The following RFTN1 variants were observed in gnomAD, a reference collection of about 807,000 sequenced individuals.
RFTN1 encodes the protein raftlin.
Under a neutral mutation model 46.5 loss-of-function variants are expected in RFTN1, and 26 were observed. That is an observed-to-expected ratio of 0.56 (90% CI 0.41 to 0.78). The LOEUF is 0.78. RFTN1 is among the 30% of genes least tolerant of loss of function. RFTN1 has a pLI of 0.00. For missense variants in RFTN1, 693 were observed against 718.7 expected (o/e 0.96, Z 0.41); for synonymous variants, 261 against 284.2 (o/e 0.92, Z 0.82).
rs1010127037 is a variant in RFTN1 at position 16,504,212 on chromosome 3, C to A, written c.-9+9230G>T. Reference sequence around the variant, plus strand: ...CTTATTCACAGCCTAACAACAGCAGCCTTTCAGAAAAATAGCACACATAAA... The same window carrying A: ...CTTATTCACAGCCTAACAACAGCAGACTTTCAGAAAAATAGCACACATAAA... On this transcript the variant is annotated intron_variant, in intron 1 of 9. Transcript: ENST00000334133. This position sits in a 1 kb window ranked among gnomAD's most constrained non-coding sequence, Gnocchi z 4.4. Among the ~76,000 whole-genome samples the A allele has an allele frequency of 1.3e-5, 2 of 152,202 alleles. No individual in the cohort carries two copies. Among genetic ancestry groups the A allele is most frequent in the Non-Finnish European group, 2.9e-5 (2 of 68,036 alleles).
rs1288556194 is a variant in RFTN1 at position 16,358,040 on chromosome 3, T to C, written c.1038A>G (p.Leu346=). ...VFYLGIVNDS[L]HGLTDGVFIF... The stretch of plus-strand genomic sequence containing the variant: ...TGAATACTCCATCTGTCAAGCCATG[T>C]AAGGAATCTGTGGAAAAAGAAAAAG... The change falls in exon 7 of 10, where the codon TTA becomes TTG. Residue 346 remains leucine, a synonymous_variant. Coordinates refer to ENST00000334133, the MANE Select transcript of RFTN1 (RefSeq NM_015150.2). 2 of 1,413,448 alleles carry C rather than the reference T, an allele frequency of 1.4e-6. No homozygotes were observed. Among genetic ancestry groups the C allele is most frequent in the Non-Finnish European group, 9.5e-7 (1 of 1,053,736 alleles). 87.6% of individuals were successfully genotyped at this position (1,413,448 alleles called of 1,614,324 possible). A position where few individuals can be genotyped will look rare whatever the true frequency, so the allele number is the denominator to read the frequency against.
chr3:16,399,012 T>A (rs573916330), intron 4 of RFTN1, among the ~76,000 whole-genome samples: 1 of 152,246 alleles, frequency 6.6e-6, no homozygotes, highest in African/African-American at 2.4e-5. Context: ...AATAGGCCAC[T>A]TGTCTATTCT....
chr3:16,470,442 G>A (rs1039883219), intron 2 of RFTN1, among the ~76,000 whole-genome samples: 12 of 152,090 alleles, frequency 7.9e-5, no homozygotes, highest in South Asian at 2.1e-4. Context: ...GCTAAAACTC[G>A]GACAGAAACC....
chr3:16,332,259 T>C lies in RFTN1; in HGVS notation c.1147-5383A>G, dbSNP rs190116459. On this transcript the variant is annotated intron_variant, in intron 7 of 9. Transcript: ENST00000334133. ...GCTATTAATCAAAATGTGTGATAAA[T>C]GTTTTAATTTTATTACCTTCCCCCA... Among the ~76,000 whole-genome samples the C allele has an allele frequency of 2.0e-3, 304 of 152,260 alleles. 2 individuals carry two copies. The highest frequency in any genetic ancestry group is 7.1e-3 in the African/African-American group (294 of 41,556).
At chr3:16,439,395 C>T (rs2075579210) in intron 2 of RFTN1, among the ~76,000 whole-genome samples, 1 of 152,138 alleles carries the variant, frequency 6.6e-6, no homozygotes, top group South Asian at 2.1e-4. Flanking sequence ...TAATAGTTGC[C>T]TGATTTCATT....
In RFTN1 at chr3:16,473,988, C is replaced by T. The variant is rs2124954881; in HGVS notation, c.145+19737G>A. On this transcript the variant is annotated intron_variant, in intron 2 of 9. Coordinates refer to ENST00000334133, the MANE Select transcript of RFTN1 (RefSeq NM_015150.2). This position sits in a 1 kb window ranked among gnomAD's most constrained non-coding sequence, Gnocchi z 5.3. ...CCACCCAATATGGTGAACAACAGCCCTTGGAGAGGGATTGATTAGGACAAA... is the reference window on the plus strand; with the variant it reads ...CCACCCAATATGGTGAACAACAGCCTTTGGAGAGGGATTGATTAGGACAAA... 6.6e-6 allele frequency among the ~76,000 whole-genome samples: 1 copy of T among 152,290 alleles called. No homozygotes were observed. Among genetic ancestry groups the T allele is most frequent in the South Asian group, 2.1e-4 (1 of 4,824 alleles).
At position 16,387,888 on chromosome 3, in the gene RFTN1, G is replaced by A. The variant is rs1307410837; in HGVS notation, c.442-9786C>T. 6.6e-6 allele frequency among the ~76,000 whole-genome samples: 1 copy of A among 151,930 alleles called. No individual in the cohort carries two copies. Among genetic ancestry groups the A allele is most frequent in the Non-Finnish European group, 1.5e-5 (1 of 68,004 alleles). Reference sequence around the variant, plus strand: ...TAGCTCATGCATTCCCCTCCTCCTGGAGATGCTCTTCCTTGGCCTCACCAC... The same window carrying A: ...TAGCTCATGCATTCCCCTCCTCCTGAAGATGCTCTTCCTTGGCCTCACCAC... On this transcript the variant is annotated intron_variant, in intron 4 of 9. Coordinates refer to ENST00000334133, the MANE Select transcript of RFTN1 (RefSeq NM_015150.2). This position sits in a 1 kb window ranked among gnomAD's most constrained non-coding sequence, Gnocchi z 5.2.
rs779336430 is a variant in RFTN1, at chr3:16,344,121, G to A, written c.1146+13811C>T. 3.3e-5 allele frequency among the ~76,000 whole-genome samples: 5 copies of A among 152,196 alleles called. No homozygotes were observed. Among genetic ancestry groups the A allele is most frequent in the Non-Finnish European group, 7.3e-5 (5 of 68,030 alleles). On this transcript the variant is annotated intron_variant, in intron 7 of 9. Transcript: ENST00000334133. The surrounding 1 kb of genome is among the most constrained non-coding windows in gnomAD (Gnocchi z 4.4). The stretch of plus-strand genomic sequence containing the variant: ...GTATTAACTCTTTTTCATTGGAATT[G>A]CTGTCAAATCAGGTATGCTTCATTC...
At chr3:16,417,585 C>A (rs2075107297) in intron 3 of RFTN1, among the ~76,000 whole-genome samples, 2 of 152,130 alleles carry the variant, frequency 1.3e-5, no homozygotes, top group Non-Finnish European at 1.5e-5. Context: ...AAACTGTGTG[C>A]AAACTCAGAG....
At position 16,324,971 on chromosome 3, in the gene RFTN1, C is replaced by T. The variant is rs924929284; in HGVS notation, c.1251-1514G>A. On this transcript the variant is annotated intron_variant, in intron 8 of 9. Transcript: ENST00000334133. ...GTACAAGGGTTCTCTTTTCTCTATA[C>T]CCTTGTCTTTTTTATAATAGCCATC... 7.2e-5 allele frequency among the ~76,000 whole-genome samples: 11 copies of T among 151,882 alleles called. 2 individuals carry two copies. Among genetic ancestry groups the T allele is most frequent in the Admixed American group, 1.3e-4 (2 of 15,236 alleles).
rs1217073399 is a variant in RFTN1 at position 16,506,685 on chromosome 3, G to T, written c.-9+6757C>A. Among the ~76,000 whole-genome samples the T allele has an allele frequency of 6.6e-6, 1 of 151,874 alleles. No homozygotes were observed. Among genetic ancestry groups the T allele is most frequent in the African/African-American group, 2.4e-5 (1 of 41,328 alleles). ...CCATGTTAACTCCACCCAAGCAGAG[G>T]TATGCAGTAGGCCGCTGGATGTACC... On this transcript the variant is annotated intron_variant, in intron 1 of 9. Transcript: ENST00000334133. This position sits in a 1 kb window ranked among gnomAD's most constrained non-coding sequence, Gnocchi z 4.8.
chr3:16,368,967 T>C (rs1187901533), intron 6 of RFTN1, among the ~76,000 whole-genome samples: 2 of 152,344 alleles, frequency 1.3e-5, no homozygotes, highest in African/African-American at 4.8e-5. Context: ...ATCACCTTTC[T>C]TGTGTCATTC....
chr3:16,335,776 T>TAAAA lies in RFTN1; in HGVS notation c.1147-8904_1147-8901dup, dbSNP rs540104859. On this transcript the variant is annotated intron_variant, in intron 7 of 9. Coordinates refer to ENST00000334133, the MANE Select transcript of RFTN1 (RefSeq NM_015150.2). The surrounding 1 kb of genome is among the most constrained non-coding windows in gnomAD (Gnocchi z 4.7). ...ATCCTGCACTTGCACCCTGGAACTT[T>TAAAA]AAAAAAAAAAAAAAAAAAAGGAGTT... 1.5e-5 allele frequency among the ~76,000 whole-genome samples: 2 copies of TAAAA among 136,646 alleles called. No individual in the cohort carries two copies. Among genetic ancestry groups the TAAAA allele is most frequent in the Admixed American group, 7.3e-5 (1 of 13,638 alleles). 89.6% of individuals were successfully genotyped at this position (136,646 alleles called of 152,430 possible).
At chr3:16,482,834 C>A (rs1176568255) in intron 2 of RFTN1, 4 of 1,535,950 alleles carry the variant, frequency 2.6e-6, no homozygotes, top group Non-Finnish European at 1.7e-6. Context: ...GCAGAACAGC[C>A]TTTCTGCCAT....
At position 16,460,898 on chromosome 3, in the gene RFTN1, G is replaced by A. The variant is rs2075999090; in HGVS notation, c.146-26861C>T. ...CTTCATAAGGCAGCCCCTACTCGAG[G>A]CTGGCCAGACTTCTTCAACAAATGA... On this transcript the variant is annotated intron_variant, in intron 2 of 9. Coordinates refer to ENST00000334133, the MANE Select transcript of RFTN1 (RefSeq NM_015150.2). The surrounding 1 kb of genome is among the most constrained non-coding windows in gnomAD (Gnocchi z 4.8). 6.6e-6 allele frequency among the ~76,000 whole-genome samples: 1 copy of A among 152,308 alleles called. No individual in the cohort carries two copies. The highest frequency in any genetic ancestry group is 1.5e-5 in the Non-Finnish European group (1 of 68,028).
intron 3 of RFTN1, among the ~76,000 whole-genome samples, chr3:16,412,240 G>A (rs1397337309): frequency 6.6e-6 from 1 of 152,178 alleles, no homozygotes; most frequent in Non-Finnish European, 1.5e-5. Flanking sequence ...TCCTGCCTTT[G>A]GGAATTAGCT....
In RFTN1 at chr3:16,335,725, C is replaced by T. The variant is rs913373129; in HGVS notation, c.1147-8849G>A. Among the ~76,000 whole-genome samples the T allele has an allele frequency of 1.3e-5, 2 of 150,144 alleles. No homozygotes were observed. The highest frequency in any genetic ancestry group is 2.5e-5 in the African/African-American group (1 of 40,674). On this transcript the variant is annotated intron_variant, in intron 7 of 9. Transcript: ENST00000334133. The surrounding 1 kb of genome is among the most constrained non-coding windows in gnomAD (Gnocchi z 4.7). ...TCTGAGCAGCAACACACATGGCACA[C>T]GTTTACCTATGTAACAAGCCTGCAT... is the stretch of plus-strand genomic sequence containing the variant.
chr3:16,510,776 T>C (rs528851140), intron 1 of RFTN1, among the ~76,000 whole-genome samples: 1 of 152,346 alleles, frequency 6.6e-6, no homozygotes, highest in South Asian at 2.1e-4. Flanking sequence ...ACTAGGTGTT[T>C]ACCCATGAGA....
At chr3:16,323,583 G>GCAGGCGTCTCTTCTA in intron 8 of RFTN1, 126 bp from the exon 9 acceptor site, 1 of 640,408 alleles carries the variant, frequency 1.6e-6, no homozygotes, top group Non-Finnish European at 2.7e-6. Flanking sequence ...GGTTAGAAGA[G>GCAGGCGTCTCTTCTA]ACGCCTGCTC....
Sources: gnomAD v4.1 joint callset for allele counts (sites outside exome capture counted in the v4.1 genomes callset) on GRCh38, gnomAD v4.1.1 for gene constraint, Gnocchi (gnomAD v3.1) non-coding constraint, MANE v1.5 for transcripts, NCBI Gene and HGNC (gene_info 2026-07-23, HGNC 2026-07-21) for gene names.